NRG1: variants seen among roughly 807,000 people sequenced by gnomAD.
NRG1 encodes the protein pro-neuregulin-1, membrane-bound isoform.
NRG1 carries 18 observed loss-of-function variants against 63.8 expected under a neutral mutation model. The observed-to-expected ratio is 0.28, with a 90% CI of 0.19 to 0.42. NRG1 has a LOEUF of 0.42. Ranked by LOEUF, NRG1 falls within the 10% of genes least tolerant of loss-of-function variation. The pLI is 1.00. For missense variants in NRG1, 762 were observed against 814.7 expected (o/e 0.94, Z 0.79); for synonymous variants, 302 against 301.3 (o/e 1.00, Z -0.02).
chr8:32,107,730 A>T (rs182455803), intron 1 of NRG1, among the ~76,000 whole-genome samples: 8 of 152,338 alleles, frequency 5.3e-5, no homozygotes, highest in African/African-American at 1.7e-4. Context: ...CTGTTGATTG[A>T]TATTCTAGTA....
chr8:32,374,898 G>A (rs1185915413), intron 1 of NRG1, among the ~76,000 whole-genome samples: 1 of 152,198 alleles, frequency 6.6e-6, no homozygotes, highest in Non-Finnish European at 1.5e-5. Flanking sequence ...GTCCTTGAGT[G>A]AGGATGGAAC....
chr8:31,830,063 A>C (rs180951172), intron 1 of NRG1, among the ~76,000 whole-genome samples: 2 of 152,322 alleles, frequency 1.3e-5, no homozygotes, highest in Admixed American at 6.5e-5. Context: ...TACACTTTAC[A>C]TAAAAATAGT....
chr8:31,662,127 G>C (rs552371701), intron 1 of NRG1, among the ~76,000 whole-genome samples: 1 of 152,278 alleles, frequency 6.6e-6, no homozygotes, highest in East Asian at 1.9e-4. Context: ...ACATGGTCTG[G>C]CACTTTCAAG....
At chr8:32,026,856 A>AT (rs1181744017) in intron 1 of NRG1, among the ~76,000 whole-genome samples, 1 of 151,908 alleles carries the variant, frequency 6.6e-6, no homozygotes, top group Non-Finnish European at 1.5e-5. Context: ...ATTGTGTTGG[A>AT]TTTTTTTGTT....
chr8:32,665,652 C>T (rs1389142974), intron 5 of NRG1, among the ~76,000 whole-genome samples: 2 of 152,146 alleles, frequency 1.3e-5, no homozygotes, highest in Non-Finnish European at 2.9e-5. Context: ...TGTGTCAAAG[C>T]TGCTAAATGA....
At chr8:31,661,035 G>T (rs1805941668) in intron 1 of NRG1, among the ~76,000 whole-genome samples, 1 of 152,102 alleles carries the variant, frequency 6.6e-6, no homozygotes, top group African/African-American at 2.4e-5. Flanking sequence ...TAAGATTCTT[G>T]TTCTTGTTGT....
At chr8:32,317,565 A>T (rs1563308336) in intron 1 of NRG1, among the ~76,000 whole-genome samples, 1 of 152,184 alleles carries the variant, frequency 6.6e-6, no homozygotes, top group Admixed American at 6.6e-5. Context: ...GAGGCCTCAG[A>T]TGTGTTTATT....
At chr8:32,635,707 A>T (rs966412857) in intron 5 of NRG1, among the ~76,000 whole-genome samples, 3 of 152,126 alleles carry the variant, frequency 2.0e-5, no homozygotes, top group African/African-American at 7.2e-5. Context: ...AAATGTAGAG[A>T]TCCCTCTGCT....
At chr8:32,501,028 C>A (rs1827796229) in intron 1 of NRG1, among the ~76,000 whole-genome samples, 1 of 152,134 alleles carries the variant, frequency 6.6e-6, no homozygotes, top group South Asian at 2.1e-4. Flanking sequence ...AGAGTACCTG[C>A]CAAGGTTTTG....
intron 1 of NRG1, among the ~76,000 whole-genome samples, chr8:32,371,081 G>A (rs867986644): frequency 2.0e-5 from 3 of 150,514 alleles, no homozygotes; most frequent in Admixed American, 6.6e-5. Context: ...GTGTGCTGGT[G>A]CATGCCTGTA....
intron 5 of NRG1, among the ~76,000 whole-genome samples, chr8:32,660,426 C>T (rs1356400696): frequency 6.6e-6 from 1 of 152,182 alleles, no homozygotes; most frequent in Admixed American, 6.5e-5. Flanking sequence ...GGTCTTAAAT[C>T]ACTGACATTT....
At chr8:32,353,170 A>G (rs1805864126) in intron 1 of NRG1, among the ~76,000 whole-genome samples, 1 of 150,672 alleles carries the variant, frequency 6.6e-6, no homozygotes, top group Non-Finnish European at 1.5e-5. Flanking sequence ...TTAAAGCTAT[A>G]AAAATTAAAA....
chr8:31,752,151 C>A (rs1275513792), intron 1 of NRG1, among the ~76,000 whole-genome samples: 2 of 151,866 alleles, frequency 1.3e-5, no homozygotes, highest in Non-Finnish European at 2.9e-5. Flanking sequence ...ACAGAATAAT[C>A]CAATAGTTAG....
At chr8:32,559,996 G>T (rs143153216) in intron 1 of NRG1, among the ~76,000 whole-genome samples, 1 of 152,188 alleles carries the variant, frequency 6.6e-6, no homozygotes, top group African/African-American at 2.4e-5. Flanking sequence ...CAGGCTGGGT[G>T]ACAGAGTGAG....
chr8:31,650,396 T>C (rs535322700), intron 1 of NRG1, among the ~76,000 whole-genome samples: 1 of 152,256 alleles, frequency 6.6e-6, no homozygotes, highest in South Asian at 2.1e-4. Flanking sequence ...GCCTTATCTT[T>C]CTCACCTTCC....
Position 31,691,993 on chromosome 8 carries a change from C to A in NRG1, c.37+52562C>A, listed in dbSNP as rs980258224. Reference sequence around the variant, plus strand: ...GACTACAGGGGCACACTACCACACTCAGCTAATTTATTTATTTTTTGAAGA... The same window carrying A: ...GACTACAGGGGCACACTACCACACTAAGCTAATTTATTTATTTTTTGAAGA... On this transcript the variant is annotated intron_variant, in intron 1 of 10. Transcript: ENST00000519301. 2.0e-5 allele frequency among the ~76,000 whole-genome samples: 3 copies of A among 152,180 alleles called. No individual in the cohort carries two copies. The East Asian group carries it at 5.8e-4, about 29-fold the overall frequency.
chr8:32,210,683 C>A (rs746720980), intron 1 of NRG1, among the ~76,000 whole-genome samples: 7 of 152,192 alleles, frequency 4.6e-5, no homozygotes, highest in Non-Finnish European at 8.8e-5. Context: ...TTCCTCCAAG[C>A]CTACAGACCA....
intron 1 of NRG1, among the ~76,000 whole-genome samples, chr8:32,433,216 C>T (rs1017944762): frequency 2.6e-5 from 4 of 152,092 alleles, no homozygotes; most frequent in Non-Finnish European, 5.9e-5. Flanking sequence ...ATGGAAGGAA[C>T]AAGTGATGAG....
chr8:32,076,334 T>C lies in NRG1; in HGVS notation c.37+436903T>C, dbSNP rs1453459503. The stretch of plus-strand genomic sequence containing the variant: ...TGGCTCTTATCTCTGTGACTGATCA[T>C]GTATGCGTATTTCAAATGGATAAAT... On this transcript the variant is annotated intron_variant, in intron 1 of 10. Transcript: ENST00000519301. Among the ~76,000 whole-genome samples, 5 of 152,292 alleles carry C rather than the reference T, an allele frequency of 3.3e-5. No homozygotes were observed. In the East Asian group the frequency reaches 9.6e-4, roughly 29 times the overall value.
Sources: gnomAD v4.1 joint callset for allele counts (sites outside exome capture counted in the v4.1 genomes callset) on GRCh38, gnomAD v4.1.1 for gene constraint, MANE v1.5 for transcripts, NCBI Gene and HGNC (gene_info 2026-07-23, HGNC 2026-07-21) for gene names.